The following PDE1A variants were observed in gnomAD, a reference collection of about 807,000 sequenced individuals.
The protein encoded by PDE1A is phosphodiesterase 1A.
PDE1A carries 35 observed loss-of-function variants against 61.7 expected under a neutral mutation model. The observed-to-expected ratio is 0.57, with a 90% CI of 0.43 to 0.75. The LOEUF (loss-of-function observed/expected upper bound fraction) is 0.75, where lower values mean the gene tolerates loss of function less well. Ranked by LOEUF, PDE1A falls within the 30% of genes least tolerant of loss-of-function variation. The pLI is 0.00. For synonymous variants in PDE1A, 232 were observed against 213.2 expected (o/e 1.09, Z -0.77); for missense variants, 597 against 630.6 (o/e 0.95, Z 0.57).
intron 1 of PDE1A, among the ~76,000 whole-genome samples, chr2:182,402,633 TA>T (rs1464279774): frequency 1.3e-5 from 2 of 152,132 alleles, no homozygotes; most frequent in Non-Finnish European, 2.9e-5. Context: ...CCTTCATGAC[TA>T]AAACACCAAA....
chr2:182,212,595 C>A (rs113495489), intron 7 of PDE1A, among the ~76,000 whole-genome samples: 3 of 152,088 alleles, frequency 2.0e-5, no homozygotes, highest in Non-Finnish European at 4.4e-5. Context: ...GAGGCATTGC[C>A]TCACTTGGGA....
the PDE1A span, among the ~76,000 whole-genome samples, chr2:182,652,334 A>C: frequency 6.6e-6 from 1 of 152,096 alleles, no homozygotes; most frequent in African/African-American, 2.4e-5. Flanking sequence ...TTTCCCTCCC[A>C]GGTCTTTAGA....
At chr2:182,573,259 T>G in the PDE1A span, among the ~76,000 whole-genome samples, 1 of 152,238 alleles carries the variant, frequency 6.6e-6, no homozygotes, top group African/African-American at 2.4e-5. Flanking sequence ...CTGTTGGGTG[T>G]AAAATATAAA....
intron 1 of PDE1A, among the ~76,000 whole-genome samples, chr2:182,395,307 T>C (rs944255501): frequency 2.0e-5 from 3 of 152,216 alleles, no homozygotes; most frequent in Non-Finnish European, 2.9e-5. Flanking sequence ...CTTTTCCTTT[T>C]CACAAGATAT....
intron 13 of PDE1A, among the ~76,000 whole-genome samples, chr2:182,182,344 C>T (rs1335687124): frequency 6.6e-6 from 1 of 152,084 alleles, no homozygotes; most frequent in East Asian, 1.9e-4. Context: ...TATCCAGAAT[C>T]CAATCTCTTT....
At chr2:182,649,971 C>G in the PDE1A span, among the ~76,000 whole-genome samples, 2 of 151,844 alleles carry the variant, frequency 1.3e-5, no homozygotes, top group African/African-American at 2.4e-5. Context: ...CTCAGCTACT[C>G]GGAAGGTTGA....
rs891583407 is a variant in PDE1A at position 182,387,444 on chromosome 2, AAAGAAAGAAAG to A, written c.53+39123_53+39133del. ...AAAAAAAAAGAAGAAAGAAAGAGAGAAAGAAAGAAAGAAGAAAGAAAGAGAGAGAGAGGTTG... is the reference window on the plus strand; with the variant it reads ...AAAAAAAAAGAAGAAAGAAAGAGAGAAAGAAAGAAAGAGAGAGAGAGGTTG... On this transcript the variant is annotated intron_variant, in intron 1 of 13. Coordinates refer to ENST00000351439, the Ensembl canonical transcript of PDE1A. Among the ~76,000 whole-genome samples the A allele has an allele frequency of 6.4e-4, 98 of 152,078 alleles. No individual in the cohort carries two copies. In the Middle Eastern group the frequency reaches 0.014, roughly 21 times the overall value.
chr2:182,494,088 G>A (rs542734578), intron 2 of PDE1A, among the ~76,000 whole-genome samples: 2 of 152,246 alleles, frequency 1.3e-5, no homozygotes, highest in East Asian at 1.9e-4. Flanking sequence ...CAAAACAATC[G>A]AGGTAGGCTT....
chr2:182,388,442 T>A (rs373945493), intron 1 of PDE1A, among the ~76,000 whole-genome samples: 1 of 152,310 alleles, frequency 6.6e-6, no homozygotes, highest in East Asian at 1.9e-4. Flanking sequence ...TAAGTCTTCA[T>A]AAATTTAAGA....
At chr2:182,204,582 ATTC>A (rs1325462260) in intron 8 of PDE1A, among the ~76,000 whole-genome samples, 8 of 152,170 alleles carry the variant, frequency 5.3e-5, no homozygotes, top group Non-Finnish European at 8.8e-5. Flanking sequence ...TATATTTTCT[ATTC>A]TTTATGATTT....
At chr2:182,223,661 T>C (rs1386139293) in intron 7 of PDE1A, among the ~76,000 whole-genome samples, 9 of 151,970 alleles carry the variant, frequency 5.9e-5, no homozygotes, top group Non-Finnish European at 1.5e-5. Flanking sequence ...TTGCTAGATA[T>C]GCCACAAAAT....
At chr2:182,599,073 G>T in the PDE1A span, among the ~76,000 whole-genome samples, 11 of 152,300 alleles carry the variant, frequency 7.2e-5, no homozygotes, top group Admixed American at 2.6e-4. Context: ...GTTGGGGCAG[G>T]AGCTCCGCAG....
intron 1 of PDE1A, among the ~76,000 whole-genome samples, chr2:182,401,740 CTGTT>C (rs1702010171): frequency 6.6e-6 from 1 of 152,210 alleles, no homozygotes; most frequent in Non-Finnish European, 1.5e-5. Flanking sequence ...CAAATTGTCT[CTGTT>C]TGCAGATGAC....
At chr2:182,569,902 T>A in the PDE1A span, among the ~76,000 whole-genome samples, 1 of 152,236 alleles carries the variant, frequency 6.6e-6, no homozygotes, top group Non-Finnish European at 1.5e-5. Context: ...AGTTTCTAGT[T>A]CTTCTTAAGT....
At chr2:182,473,754 T>C (rs141542861) in intron 2 of PDE1A, among the ~76,000 whole-genome samples, 1,879 of 152,134 alleles carry the variant, frequency 0.012, 25 homozygotes, top group South Asian at 0.042. Context: ...GGTTTTCTGT[T>C]CCTGCATTAG....
upstream of PDE1A, chr2:182,427,127 CA>C: frequency 2.7e-6 from 1 of 373,166 alleles, no homozygotes; most frequent in Non-Finnish European, 3.7e-6. Flanking sequence ...TCAGCAGCCC[CA>C]TGTGAGTACC....
At chr2:182,558,001 A>C in the PDE1A span, among the ~76,000 whole-genome samples, 1 of 152,106 alleles carries the variant, frequency 6.6e-6, no homozygotes, top group African/African-American at 2.4e-5. Flanking sequence ...GTTATTTCAA[A>C]GTTTAATTAG....
chr2:182,478,438 A>G (rs1335916846), intron 2 of PDE1A, among the ~76,000 whole-genome samples: 1 of 151,918 alleles, frequency 6.6e-6, no homozygotes, highest in East Asian at 1.9e-4. Context: ...TCAGTAGGAC[A>G]AGGTGCTTTA....
chr2:182,710,054 G>A, the PDE1A span, among the ~76,000 whole-genome samples: 3 of 151,906 alleles, frequency 2.0e-5, no homozygotes, highest in Admixed American at 6.6e-5. Flanking sequence ...ACACCACCAC[G>A]CCCAGTTAAG....
Sources: allele counts gnomAD v4.1 joint callset (sites outside exome capture counted in the v4.1 genomes callset), GRCh38; gene constraint gnomAD v4.1.1; transcripts MANE v1.5; gene names NCBI Gene and HGNC (gene_info 2026-07-23, HGNC 2026-07-21).